The following WWOX variants were observed in gnomAD, a reference collection of about 807,000 sequenced individuals.
The protein encoded by WWOX is WW domain-containing oxidoreductase.
In WWOX, 69 loss-of-function variants were observed where a neutral mutation model predicts 46.2. That is an observed-to-expected ratio of 1.49 (90% confidence interval 1.23 to 1.82). The LOEUF (loss-of-function observed/expected upper bound fraction) is 1.82, where lower values mean the gene tolerates loss of function less well. Ranked by LOEUF, WWOX falls within the 40% of genes most tolerant of loss-of-function variation. WWOX has a pLI of 0.00. For synonymous variants in WWOX, 359 were observed against 202.6 expected (o/e 1.77, Z -6.56); for missense variants, 919 against 542.6 (o/e 1.69, Z -6.89).
intron 8 of WWOX, among the ~76,000 whole-genome samples, chr16:78,763,992 A>C (rs996125806): frequency 4.6e-5 from 7 of 152,220 alleles, no homozygotes; most frequent in African/African-American, 1.7e-4. Context: ...GCTGGGATAC[A>C]TGTTGGGCCT....
chr16:78,470,534 A>G (rs768240008), intron 8 of WWOX, among the ~76,000 whole-genome samples: 1 of 151,944 alleles, frequency 6.6e-6, no homozygotes, highest in African/African-American at 2.4e-5. Flanking sequence ...GTATGCATGT[A>G]TGTATGTATG....
At chr16:78,251,394 C>G (rs976877992) in intron 5 of WWOX, among the ~76,000 whole-genome samples, 2 of 152,172 alleles carry the variant, frequency 1.3e-5, no homozygotes, top group African/African-American at 4.8e-5. Context: ...TTGGTGCCCT[C>G]TTTTGCCATT....
At chr16:78,296,367 G>T (rs1159760197) in intron 5 of WWOX, among the ~76,000 whole-genome samples, 1 of 151,458 alleles carries the variant, frequency 6.6e-6, no homozygotes, top group Non-Finnish European at 1.5e-5. Flanking sequence ...TTGCCTTTTT[G>T]CATGGATCAT....
At chr16:78,370,019 C>T (rs138748527) in intron 5 of WWOX, among the ~76,000 whole-genome samples, 4 of 151,342 alleles carry the variant, frequency 2.6e-5, no homozygotes, top group African/African-American at 9.7e-5. Flanking sequence ...GTAATCCCAG[C>T]TACCTGGGAG....
chr16:78,439,898 TG>T (rs760865703), intron 8 of WWOX, among the ~76,000 whole-genome samples: 1 of 152,200 alleles, frequency 6.6e-6, no homozygotes, highest in South Asian at 2.1e-4. Flanking sequence ...AAGGCACAGA[TG>T]GGAGGGATGA....
intron 5 of WWOX, among the ~76,000 whole-genome samples, chr16:78,363,916 C>T (rs1192174322): frequency 6.6e-6 from 1 of 152,234 alleles, no homozygotes; most frequent in Non-Finnish European, 1.5e-5. Flanking sequence ...GTCTCTCCGC[C>T]ATCTTGTTGT....
chr16:78,355,479 G>A, intron 5 of WWOX: 3 of 338,998 alleles, frequency 8.8e-6, no homozygotes, highest in Admixed American at 3.6e-5. Flanking sequence ...GCGGGCACCT[G>A]TAGTCCCAGC....
chr16:78,841,993 G>T (rs2052163721), intron 8 of WWOX, among the ~76,000 whole-genome samples: 1 of 152,256 alleles, frequency 6.6e-6, no homozygotes, highest in South Asian at 2.1e-4. Flanking sequence ...GAAGGGAAGG[G>T]GGATATAAGA....
rs1316963664 is a variant in WWOX, at chr16:78,437,895, C to G, written c.1056+5143C>G. 2.0e-5 allele frequency among the ~76,000 whole-genome samples: 3 copies of G among 152,264 alleles called. No individual in the cohort carries two copies. The East Asian group carries it at 5.8e-4, about 29-fold the overall frequency. On this transcript the variant is annotated intron_variant, in intron 8 of 8. Transcript: ENST00000566780. ...CTCTAAAATGTTTTGCACCTGCACG[C>G]ATTAATGTGTATTGTTTGGTAAGAA... is the stretch of plus-strand genomic sequence containing the variant.
At chr16:79,085,750 G>GA (rs1240453357) in intron 8 of WWOX, among the ~76,000 whole-genome samples, 1 of 152,106 alleles carries the variant, frequency 6.6e-6, no homozygotes, top group Non-Finnish European at 1.5e-5. Flanking sequence ...AGTATTAGCA[G>GA]AAATGTAGTC....
intron 8 of WWOX, among the ~76,000 whole-genome samples, chr16:78,906,786 G>A (rs764965418): frequency 1.6e-4 from 24 of 152,168 alleles, no homozygotes; most frequent in Non-Finnish European, 2.8e-4. Context: ...AAGGTCTTCT[G>A]ACCCTTTATC....
At chr16:78,412,056 G>A (rs1167333411) in intron 6 of WWOX, among the ~76,000 whole-genome samples, 3 of 152,178 alleles carry the variant, frequency 2.0e-5, no homozygotes, top group Non-Finnish European at 4.4e-5. Flanking sequence ...TCCAGCAATG[G>A]ACAGTTATCT....
intron 8 of WWOX, among the ~76,000 whole-genome samples, chr16:79,179,386 C>T (rs1276475795): frequency 6.6e-6 from 1 of 152,194 alleles, no homozygotes; most frequent in Non-Finnish European, 1.5e-5. Context: ...CTTGGGTACA[C>T]TTTCCACCCT....
chr16:78,922,816 G>T (rs2045409583), intron 8 of WWOX, among the ~76,000 whole-genome samples: 1 of 152,216 alleles, frequency 6.6e-6, no homozygotes, highest in South Asian at 2.1e-4. Context: ...CTGGAGCTTG[G>T]GGGTCCCAGT....
intron 5 of WWOX, among the ~76,000 whole-genome samples, chr16:78,257,910 G>T (rs779038221): frequency 7.5e-6 from 1 of 132,934 alleles, no homozygotes; most frequent in East Asian, 2.5e-4. Context: ...AACTGAGTAT[G>T]TTTCCAATAT....
intron 8 of WWOX, among the ~76,000 whole-genome samples, chr16:78,437,228 T>C (rs1303966449): frequency 6.6e-6 from 1 of 152,216 alleles, no homozygotes; most frequent in Non-Finnish European, 1.5e-5. Flanking sequence ...CGTCCCTTTT[T>C]TATTTGCTGT....
chr16:79,063,532 G>A (rs1242896134), intron 8 of WWOX, among the ~76,000 whole-genome samples: 1 of 152,196 alleles, frequency 6.6e-6, no homozygotes, highest in Non-Finnish European at 1.5e-5. Context: ...CAGTGTTTGG[G>A]CCCCTTTCAG....
chr16:78,905,420 A>C (rs2044936214), intron 8 of WWOX, among the ~76,000 whole-genome samples: 1 of 152,212 alleles, frequency 6.6e-6, no homozygotes, highest in Non-Finnish European at 1.5e-5. Context: ...TCACTCTGTC[A>C]GCCAGGCTGG....
chr16:78,391,009 C>T (rs1307867883), intron 6 of WWOX, among the ~76,000 whole-genome samples: 1 of 152,188 alleles, frequency 6.6e-6, no homozygotes, highest in Admixed American at 6.5e-5. Context: ...TCAAGTGTTT[C>T]TCCACACTGG....
Sources: gnomAD v4.1 joint callset for allele counts (sites outside exome capture counted in the v4.1 genomes callset) on GRCh38, gnomAD v4.1.1 for gene constraint, MANE v1.5 for transcripts, NCBI Gene and HGNC (gene_info 2026-07-23, HGNC 2026-07-21) for gene names.